PRTFDC1: variants seen among roughly 807,000 people sequenced by gnomAD.
The protein encoded by PRTFDC1 is phosphoribosyl transferase domain containing 1.
PRTFDC1 carries 38 observed loss-of-function variants against 34.6 expected under a neutral mutation model. The observed-to-expected ratio is 1.10, with a 90% CI of 0.85 to 1.44. PRTFDC1 has a LOEUF of 1.44. Ranked by LOEUF, PRTFDC1 falls within the 40% of genes most tolerant of loss-of-function variation. PRTFDC1 has a pLI of 0.00. For missense variants in PRTFDC1, 270 were observed against 283.0 expected (o/e 0.95, Z 0.33); for synonymous variants, 93 against 98.1 (o/e 0.95, Z 0.31).
intron 2 of PRTFDC1, among the ~76,000 whole-genome samples, chr10:24,938,465 C>T (rs1205869165): frequency 6.6e-6 from 1 of 152,182 alleles, no homozygotes; most frequent in Non-Finnish European, 1.5e-5. Flanking sequence ...CTTATTACCC[C>T]CCAGCCCCTA....
At chr10:24,891,926 C>G (rs757718143) in intron 3 of PRTFDC1, among the ~76,000 whole-genome samples, 1 of 152,170 alleles carries the variant, frequency 6.6e-6, no homozygotes, top group Non-Finnish European at 1.5e-5. Flanking sequence ...TTAACATAAC[C>G]TCCCCCAGGT....
intron 3 of PRTFDC1, among the ~76,000 whole-genome samples, chr10:24,887,160 C>T (rs1439471268): frequency 2.7e-5 from 4 of 150,582 alleles, no homozygotes; most frequent in Non-Finnish European, 4.4e-5. Flanking sequence ...TTAGTAGAGA[C>T]GGGGTTTCAC....
intron 3 of PRTFDC1, among the ~76,000 whole-genome samples, chr10:24,924,949 C>T (rs1564314673): frequency 6.6e-6 from 1 of 152,126 alleles, no homozygotes; most frequent in South Asian, 2.1e-4. Context: ...ATACCTTTGA[C>T]CCAGGGATCC....
chr10:24,856,113 CAAAAAAAAAAAAAA>C (rs56982921), intron 6 of PRTFDC1, among the ~76,000 whole-genome samples: 3 of 41,114 alleles, frequency 7.3e-5, no homozygotes, highest in East Asian at 1.8e-3. Context: ...GACTCCGTCT[CAAAAAAAAAAAAAA>C]AAAAAAAAAA....
intron 3 of PRTFDC1, among the ~76,000 whole-genome samples, chr10:24,896,984 A>T (rs1159564890): frequency 6.6e-6 from 1 of 152,162 alleles, no homozygotes; most frequent in Admixed American, 6.5e-5. Flanking sequence ...CTGAGGTGGG[A>T]GAATTGCTTA....
At chr10:24,860,722 A>T (rs974623327) in intron 4 of PRTFDC1, among the ~76,000 whole-genome samples, 3 of 152,080 alleles carry the variant, frequency 2.0e-5, no homozygotes, top group Non-Finnish European at 4.4e-5. Flanking sequence ...CCCTTCTCTA[A>T]CAAAAAATAC....
chr10:24,910,465 C>T (rs1042338760), intron 3 of PRTFDC1, among the ~76,000 whole-genome samples: 2 of 152,130 alleles, frequency 1.3e-5, no homozygotes, highest in African/African-American at 4.8e-5. Flanking sequence ...AGATAATGCA[C>T]ATGAAAATAC....
chr10:24,868,581 C>G (rs1847825049), intron 4 of PRTFDC1, among the ~76,000 whole-genome samples: 1 of 152,254 alleles, frequency 6.6e-6, no homozygotes, highest in African/African-American at 2.4e-5. Flanking sequence ...GTAGCTGAGT[C>G]TACAGGTGTG....
intron 3 of PRTFDC1, among the ~76,000 whole-genome samples, chr10:24,916,193 A>G (rs1438000565): frequency 6.6e-6 from 1 of 152,166 alleles, no homozygotes. Context: ...TAAGATATAT[A>G]CAGAAATCCA....
intron 7 of PRTFDC1, among the ~76,000 whole-genome samples, chr10:24,852,367 A>T (rs555565870): frequency 3.4e-4 from 51 of 152,236 alleles, no homozygotes; most frequent in African/African-American, 1.2e-3. Flanking sequence ...TGGCCAGGCC[A>T]GTCTCGAACT....
intron 6 of PRTFDC1, among the ~76,000 whole-genome samples, chr10:24,855,803 GATAAAAT>G (rs1431227858): frequency 6.6e-6 from 1 of 151,670 alleles, no homozygotes; most frequent in Non-Finnish European, 1.5e-5. Flanking sequence ...TCAAAAAGCA[GATAAAAT>G]ATAAAAAAAC....
chr10:24,907,201 G>A (rs2132562140), intron 3 of PRTFDC1, among the ~76,000 whole-genome samples: 1 of 145,890 alleles, frequency 6.9e-6, no homozygotes, highest in East Asian at 2.0e-4. Flanking sequence ...AAGGGAGCTA[G>A]ACCCTGTCTC....
chr10:24,891,276 C>T (rs1318231109), intron 3 of PRTFDC1, among the ~76,000 whole-genome samples: 1 of 151,990 alleles, frequency 6.6e-6, no homozygotes, highest in Non-Finnish European at 1.5e-5. Flanking sequence ...GGGTATATAT[C>T]CTTACATATA....
chr10:24,933,119 A>C (rs559405361), intron 3 of PRTFDC1, among the ~76,000 whole-genome samples: 9 of 152,074 alleles, frequency 5.9e-5, no homozygotes, highest in Non-Finnish European at 1.2e-4. Context: ...AATTAACATG[A>C]CATGTCTCAC....
intron 3 of PRTFDC1, among the ~76,000 whole-genome samples, chr10:24,898,308 A>G (rs12778772): frequency 1.5e-5 from 2 of 137,052 alleles, no homozygotes; most frequent in South Asian, 2.3e-4. Flanking sequence ...AAAAAAAAAC[A>G]CAAAAATTAG....
chr10:24,902,183 G>A (rs1296390887), intron 3 of PRTFDC1, among the ~76,000 whole-genome samples: 1 of 152,086 alleles, frequency 6.6e-6, no homozygotes, highest in Non-Finnish European at 1.5e-5. Context: ...GGAGGAGGGA[G>A]GTGATTATCC....
chr10:24,898,957 A>G (rs1848411220), intron 3 of PRTFDC1, among the ~76,000 whole-genome samples: 1 of 152,040 alleles, frequency 6.6e-6, no homozygotes. Flanking sequence ...TGGATACAAG[A>G]AGCTGGCCAC....
chr10:24,860,834 T>G (rs1255972539), intron 4 of PRTFDC1, among the ~76,000 whole-genome samples: 2 of 152,220 alleles, frequency 1.3e-5, no homozygotes, highest in African/African-American at 4.8e-5. Flanking sequence ...GCATTTTTAG[T>G]TTGATTGACG....
chr10:24,939,745 G>C (rs1415144585), intron 2 of PRTFDC1, among the ~76,000 whole-genome samples: 1 of 130,400 alleles, frequency 7.7e-6, no homozygotes, highest in African/African-American at 2.9e-5. Context: ...AGTGAGCCGA[G>C]ATTGTGCCAC....
Sources: allele counts gnomAD v4.1 joint callset (sites outside exome capture counted in the v4.1 genomes callset), GRCh38; gene constraint gnomAD v4.1.1; transcripts MANE v1.5; gene names NCBI Gene and HGNC (gene_info 2026-07-23, HGNC 2026-07-21).